Variants in CSMD2 observed in about 807,000 individuals in gnomAD.
CSMD2 encodes the protein CUB and Sushi multiple domains 2.
CSMD2 carries 130 observed loss-of-function variants against 398.5 expected under a neutral mutation model. That is an observed-to-expected ratio of 0.33 (90% confidence interval 0.28 to 0.38). CSMD2 has a LOEUF of 0.38. CSMD2 is among the 10% of genes least tolerant of loss of function. CSMD2 has a pLI of 1.00. For synonymous variants in CSMD2, 1,828 were observed against 1,908.5 expected, an observed-to-expected ratio of 0.96 and a Z score of 1.10; for missense variants, 3,829 against 4,764.9, an observed-to-expected ratio of 0.80 and a Z score of 5.78.
intron 10 of CSMD2, among the ~76,000 whole-genome samples, chr1:33,805,189 C>T (rs1010073460): frequency 2.1e-4 from 32 of 152,206 alleles, no homozygotes; most frequent in African/African-American, 7.5e-4. Flanking sequence ...TCCCCCGACA[C>T]CTCACCTTCA....
chr1:34,136,261 A>T (rs1638741471), intron 1 of CSMD2, among the ~76,000 whole-genome samples: 1 of 152,232 alleles, frequency 6.6e-6, no homozygotes. Context: ...AAAACCTCAC[A>T]TCCATTAAAC....
chr1:33,922,506 TG>T (rs1305714223), intron 4 of CSMD2, among the ~76,000 whole-genome samples: 1 of 152,132 alleles, frequency 6.6e-6, no homozygotes, highest in East Asian at 1.9e-4. Flanking sequence ...AAGCAGGTCT[TG>T]GGGGAAAGAC....
intron 1 of CSMD2, among the ~76,000 whole-genome samples, chr1:34,102,600 C>G (rs1660067768): frequency 1.2e-5 from 1 of 82,248 alleles, no homozygotes. Context: ...GTAATCCGGC[C>G]ATATCCCTGT....
Position 34,100,183 on chromosome 1 carries a change from A to G in CSMD2, c.188-10990T>C, listed in dbSNP as rs113598751. ...TCTGTAAGTTATTCTTCAATCTTCA[A>G]TTTAAAAAGGCAATGTGGACTTGTA... On this transcript the variant is annotated intron_variant, in intron 1 of 70. Transcript: ENST00000373381. Among the ~76,000 whole-genome samples, 920 of 152,258 alleles carry G rather than the reference A, an allele frequency of 6.0e-3. 9 individuals are homozygous for G. The highest frequency in any genetic ancestry group is 0.021 in the African/African-American group (852 of 41,548).
intron 2 of CSMD2, among the ~76,000 whole-genome samples, chr1:34,051,116 A>C (rs986068904): frequency 1.3e-5 from 2 of 152,234 alleles, no homozygotes; most frequent in African/African-American, 4.8e-5. Flanking sequence ...GGAGGTAAGG[A>C]AGATTATGTC....
intron 1 of CSMD2, among the ~76,000 whole-genome samples, chr1:34,093,106 C>T (rs2148382750): frequency 6.6e-6 from 1 of 152,190 alleles, no homozygotes; most frequent in African/African-American, 2.4e-5. Flanking sequence ...GACCCCTGAC[C>T]CCCGAGCAGC....
intron 1 of CSMD2, among the ~76,000 whole-genome samples, chr1:34,116,810 G>A (rs138768858): frequency 9.3e-4 from 141 of 151,980 alleles, no homozygotes; most frequent in Middle Eastern, 3.4e-3. Flanking sequence ...AACTATAAAG[G>A]AATAGAACTA....
chr1:34,080,030 A>T (rs771334859), intron 2 of CSMD2, among the ~76,000 whole-genome samples: 35 of 151,780 alleles, frequency 2.3e-4, no homozygotes, highest in Non-Finnish European at 8.8e-5. Context: ...AATAATATAG[A>T]TATATTAAAA....
chr1:33,858,437 C>T (rs1183970829), intron 5 of CSMD2, among the ~76,000 whole-genome samples: 2 of 152,184 alleles, frequency 1.3e-5, no homozygotes, highest in Non-Finnish European at 2.9e-5. Flanking sequence ...AGAGGCTAAA[C>T]ATATGAGCCA....
At chr1:34,114,544 T>C (rs1375839615) in intron 1 of CSMD2, among the ~76,000 whole-genome samples, 2 of 152,038 alleles carry the variant, frequency 1.3e-5, no homozygotes, top group Non-Finnish European at 2.9e-5. Flanking sequence ...AAAAACAATT[T>C]TTTTTAATTA....
At chr1:33,708,438 C>T (rs1361915051) in intron 22 of CSMD2, among the ~76,000 whole-genome samples, 1 of 151,990 alleles carries the variant, frequency 6.6e-6, no homozygotes, top group Non-Finnish European at 1.5e-5. Context: ...CAGGTGGAAA[C>T]ATATTTAAAA....
At chr1:33,889,111 A>T (rs1032790975) in intron 5 of CSMD2, among the ~76,000 whole-genome samples, 2 of 152,232 alleles carry the variant, frequency 1.3e-5, no homozygotes, top group Admixed American at 1.3e-4. Context: ...AATAAAACTT[A>T]TGCTGTGAGA....
chr1:33,646,919 GGGC>G, intron 28 of CSMD2, 84 bp from the exon 29 acceptor site: 3 of 1,342,830 alleles, frequency 2.2e-6, no homozygotes, highest in Non-Finnish European at 3.0e-6. Flanking sequence ...CCAAAGCATA[GGGC>G]CTCCCAGGGA....
At chr1:33,919,547 T>G (rs1374807700) in intron 4 of CSMD2, among the ~76,000 whole-genome samples, 1 of 152,212 alleles carries the variant, frequency 6.6e-6, no homozygotes, top group Non-Finnish European at 1.5e-5. Context: ...ATGTAAGATA[T>G]ACACCTACTC....
At chr1:33,716,048 A>G (rs550360007) in intron 20 of CSMD2, among the ~76,000 whole-genome samples, 1 of 152,230 alleles carries the variant, frequency 6.6e-6, no homozygotes, top group East Asian at 1.9e-4. Context: ...AGCAAATCCT[A>G]AACACCTTCA....
intron 20 of CSMD2, among the ~76,000 whole-genome samples, 199 bp from the exon 21 acceptor site, chr1:33,714,974 G>A (rs1646119990): frequency 6.6e-6 from 1 of 152,174 alleles, no homozygotes; most frequent in African/African-American, 2.4e-5. Flanking sequence ...GGGAGCAGAG[G>A]CAGAGAGAAA....
At chr1:34,126,300 C>T (rs1399071253) in intron 1 of CSMD2, among the ~76,000 whole-genome samples, 1 of 152,208 alleles carries the variant, frequency 6.6e-6, no homozygotes, top group Non-Finnish European at 1.5e-5. Flanking sequence ...CCGAGCTCTT[C>T]CCCACAGCCC....
At chr1:34,155,677 C>A (rs1571291634) in intron 1 of CSMD2, among the ~76,000 whole-genome samples, 1 of 152,302 alleles carries the variant, frequency 6.6e-6, no homozygotes, top group African/African-American at 2.4e-5. Flanking sequence ...TGAAAAATAG[C>A]CTGGCAAGCT....
At chr1:34,149,846 C>T (rs1053436251) in intron 1 of CSMD2, among the ~76,000 whole-genome samples, 3 of 152,114 alleles carry the variant, frequency 2.0e-5, no homozygotes, top group Admixed American at 2.0e-4. Context: ...GAGGGGAAGG[C>T]GGTGCTGCAA....
Sources: allele counts gnomAD v4.1 joint callset (sites outside exome capture counted in the v4.1 genomes callset), GRCh38; gene constraint gnomAD v4.1.1; transcripts MANE v1.5; gene names NCBI Gene and HGNC (gene_info 2026-07-23, HGNC 2026-07-21).